Variants in SOX5 observed in about 807,000 individuals in gnomAD.
SOX5 encodes transcription factor SOX-5.
SOX5 carries 9 observed loss-of-function variants against 92.0 expected under a neutral mutation model. The observed-to-expected ratio is 0.10, with a 90% confidence interval of 0.06 to 0.17. The LOEUF is 0.17. SOX5 is among the 10% of genes least tolerant of loss of function. The probability of loss-of-function intolerance (pLI) is 1.00; values close to 1 mark genes in which losing one functional copy is unlikely to be tolerated. For missense variants in SOX5, 642 were observed against 944.5 expected, an observed-to-expected ratio of 0.68 and a Z score of 4.20; for synonymous variants, 344 against 336.3, an observed-to-expected ratio of 1.02 and a Z score of -0.25.
chr12:24,343,310 A>G (rs1271150858), intron 2 of SOX5, among the ~76,000 whole-genome samples: 1 of 152,180 alleles, frequency 6.6e-6, no homozygotes, highest in Non-Finnish European at 1.5e-5. Flanking sequence ...CATGGAAACA[A>G]AGAGCAGTAG....
chr12:23,947,605 G>T (rs745808434), intron 1 of SOX5, among the ~76,000 whole-genome samples: 29 of 151,670 alleles, frequency 1.9e-4, no homozygotes, highest in Middle Eastern at 3.4e-3. Flanking sequence ...AATTATTTTA[G>T]CTACTAATAT....
intron 3 of SOX5, among the ~76,000 whole-genome samples, chr12:23,807,029 T>C (rs2095791603): frequency 6.6e-6 from 1 of 152,230 alleles, no homozygotes; most frequent in Non-Finnish European, 1.5e-5. Context: ...GATGGCCAAA[T>C]TTCCCAGTTA....
At chr12:24,446,593 G>A (rs1315213982) in intron 1 of SOX5, among the ~76,000 whole-genome samples, 1 of 152,124 alleles carries the variant, frequency 6.6e-6, no homozygotes, top group Non-Finnish European at 1.5e-5. Context: ...TGACTGATTT[G>A]TTTAGAAAAA....
chr12:24,445,564 G>T (rs959479913), intron 1 of SOX5, among the ~76,000 whole-genome samples: 6 of 152,198 alleles, frequency 3.9e-5, no homozygotes, highest in African/African-American at 1.4e-4. Context: ...ATCTTAGCTT[G>T]GTTAGGATAC....
intron 4 of SOX5, among the ~76,000 whole-genome samples, chr12:24,036,104 C>T (rs1397240814): frequency 1.3e-5 from 2 of 152,066 alleles, no homozygotes; most frequent in African/African-American, 2.4e-5. Flanking sequence ...GATTCATCTA[C>T]ATTTCAAAAT....
chr12:24,401,409 T>C (rs1031951540), intron 1 of SOX5, among the ~76,000 whole-genome samples: 13 of 151,478 alleles, frequency 8.6e-5, no homozygotes, highest in Non-Finnish European at 1.5e-4. Flanking sequence ...TTGAACTATG[T>C]CCATTAAAAA....
At chr12:23,641,330 A>G (rs2080031479) in intron 7 of SOX5, among the ~76,000 whole-genome samples, 2 of 152,222 alleles carry the variant, frequency 1.3e-5, no homozygotes, top group African/African-American at 4.8e-5. Context: ...AAAGTAGCTT[A>G]TCTTTGAAAT....
intron 3 of SOX5, among the ~76,000 whole-genome samples, chr12:23,779,008 G>C (rs1411538936): frequency 1.3e-5 from 2 of 152,154 alleles, no homozygotes; most frequent in Non-Finnish European, 2.9e-5. Flanking sequence ...TTACTGGAAA[G>C]GCAGATCACT....
At chr12:23,810,693 G>A (rs2095861512) in intron 3 of SOX5, among the ~76,000 whole-genome samples, 2 of 152,084 alleles carry the variant, frequency 1.3e-5, no homozygotes, top group South Asian at 2.1e-4. Flanking sequence ...TTAGCAGCAG[G>A]GGGCTGGTCA....
At chr12:23,592,605 A>C (rs1951726577) in intron 9 of SOX5, among the ~76,000 whole-genome samples, 1 of 152,160 alleles carries the variant, frequency 6.6e-6, no homozygotes, top group African/African-American at 2.4e-5. Flanking sequence ...GATATTTAGA[A>C]ACTTTTATTT....
At chr12:24,526,821 C>CT (rs960306251) in intron 1 of SOX5, among the ~76,000 whole-genome samples, 99 of 148,248 alleles carry the variant, frequency 6.7e-4, no homozygotes, top group Non-Finnish European at 8.1e-4. Context: ...TATCATATTT[C>CT]TTTTTTTTTT....
intron 1 of SOX5, among the ~76,000 whole-genome samples, chr12:23,901,062 G>A (rs562956929): frequency 2.6e-5 from 4 of 152,272 alleles, no homozygotes; most frequent in African/African-American, 7.2e-5. Flanking sequence ...TTTTGCATGT[G>A]TAATTAAATT....
At chr12:23,615,292 A>G (rs995396059) in intron 8 of SOX5, among the ~76,000 whole-genome samples, 1 of 152,034 alleles carries the variant, frequency 6.6e-6, no homozygotes, top group African/African-American at 2.4e-5. Flanking sequence ...AAAAAAATTA[A>G]GCTGTCTTAT....
At chr12:23,854,363 T>C (rs1303358694) in intron 2 of SOX5, among the ~76,000 whole-genome samples, 1 of 151,950 alleles carries the variant, frequency 6.6e-6, no homozygotes, top group African/African-American at 2.4e-5. Flanking sequence ...AAAGCAGTTG[T>C]TAAGAAACTG....
At chr12:23,858,522 T>G (rs925830874) in intron 2 of SOX5, among the ~76,000 whole-genome samples, 3 of 152,120 alleles carry the variant, frequency 2.0e-5, no homozygotes, top group African/African-American at 7.2e-5. Context: ...GAATGGCTAT[T>G]ATTAAAAAGT....
At chr12:23,833,448 A>T (rs1370811344) in intron 3 of SOX5, among the ~76,000 whole-genome samples, 1 of 151,928 alleles carries the variant, frequency 6.6e-6, no homozygotes, top group Non-Finnish European at 1.5e-5. Context: ...ATTCTAGAAC[A>T]TTTTTCAAAA....
At chr12:24,282,069 G>C (rs755388328) in intron 2 of SOX5, among the ~76,000 whole-genome samples, 5 of 152,202 alleles carry the variant, frequency 3.3e-5, no homozygotes, top group Non-Finnish European at 7.3e-5. Context: ...AGGAGCTACA[G>C]AGACTCAACC....
chr12:23,702,775 C>T (rs930723126), intron 6 of SOX5, among the ~76,000 whole-genome samples: 10 of 151,524 alleles, frequency 6.6e-5, no homozygotes, highest in Non-Finnish European at 8.9e-5. Context: ...TGTGTGTGCA[C>T]GTACACATGC....
chr12:24,424,809 G>T lies in SOX5; in HGVS notation c.-250-56170C>A, dbSNP rs903133964. On this transcript the variant is annotated intron_variant, in intron 1 of 4. Transcript: ENST00000446891. The stretch of plus-strand genomic sequence containing the variant: ...TCTTTTCTTTGTGAGTTTTTTTTTT[G>T]GGGGGGGGGGATGGCTGTTTTTCCC... 2.4e-4 allele frequency among the ~76,000 whole-genome samples: 31 copies of T among 128,394 alleles called. 1 individual carries two copies. Among genetic ancestry groups the T allele is most frequent in the Non-Finnish European group, 3.6e-4 (22 of 61,276 alleles). The allele number at this position is 128,394 out of a possible 152,430, so 84.2% of individuals were successfully genotyped here. A position where few individuals can be genotyped will look rare whatever the true frequency, so the allele number is the denominator to read the frequency against.
Sources: allele counts gnomAD v4.1 joint callset (sites outside exome capture counted in the v4.1 genomes callset), GRCh38; gene constraint gnomAD v4.1.1; transcripts MANE v1.5; gene names NCBI Gene and HGNC (gene_info 2026-07-23, HGNC 2026-07-21).